Variants in SLC9A9 observed in about 807,000 individuals in gnomAD.
SLC9A9 encodes sodium/hydrogen exchanger 9.
Under a neutral mutation model 77.8 loss-of-function variants are expected in SLC9A9, and 62 were observed. The observed-to-expected ratio is 0.80, with a 90% CI of 0.65 to 0.98. SLC9A9 has a LOEUF of 0.98. Among genes scored for constraint, SLC9A9 ranks in the 50% least tolerant of loss-of-function variants. The probability of loss-of-function intolerance (pLI) is 0.00; values close to 1 mark genes in which losing one functional copy is unlikely to be tolerated. For synonymous variants in SLC9A9, 320 were observed against 283.5 expected, an observed-to-expected ratio of 1.13 and a Z score of -1.29; for missense variants, 775 against 774.9, an observed-to-expected ratio of 1.00 and a Z score of 0.00.
intron 12 of SLC9A9, among the ~76,000 whole-genome samples, chr3:143,406,479 G>A (rs1401081675): frequency 6.6e-6 from 1 of 151,918 alleles, no homozygotes; most frequent in African/African-American, 2.4e-5. Context: ...CTGGGTTCAA[G>A]TGATTCTCCT....
At chr3:143,505,996 T>C (rs13325345) in intron 9 of SLC9A9, among the ~76,000 whole-genome samples, 33,578 of 152,102 alleles carry the variant, frequency 0.22, 4,815 homozygotes, top group Non-Finnish European at 0.33. Flanking sequence ...AAAAAAAAAT[T>C]TTGCTATTAA....
chr3:143,520,799 G>T (rs2036283637), intron 9 of SLC9A9, among the ~76,000 whole-genome samples: 1 of 152,136 alleles, frequency 6.6e-6, no homozygotes, highest in Non-Finnish European at 1.5e-5. Context: ...TAATCTAGTA[G>T]TTGTGGTTTA....
At chr3:143,420,586 T>C (rs2034279663) in intron 12 of SLC9A9, among the ~76,000 whole-genome samples, 2 of 152,226 alleles carry the variant, frequency 1.3e-5, no homozygotes, top group Admixed American at 1.3e-4. Context: ...TGTTAACCTA[T>C]ACAATTACAG....
chr3:143,395,952 A>G (rs1296831177), intron 12 of SLC9A9, among the ~76,000 whole-genome samples: 1 of 152,134 alleles, frequency 6.6e-6, no homozygotes. Flanking sequence ...GGAAACAACA[A>G]GTGCTGGAGA....
At chr3:143,408,935 G>A (rs2034037718) in intron 12 of SLC9A9, among the ~76,000 whole-genome samples, 1 of 152,176 alleles carries the variant, frequency 6.6e-6, no homozygotes, top group Non-Finnish European at 1.5e-5. Flanking sequence ...CAAAAGATCT[G>A]CATAAAAATA....
intron 12 of SLC9A9, among the ~76,000 whole-genome samples, chr3:143,385,885 G>A (rs1031619233): frequency 2.0e-5 from 3 of 152,040 alleles, no homozygotes; most frequent in Non-Finnish European, 4.4e-5. Context: ...CCTTGTTTCT[G>A]AGCCCCAGCA....
chr3:143,517,437 G>A, intron 9 of SLC9A9: 1 of 1,592,410 alleles, frequency 6.3e-7, no homozygotes, highest in African/African-American at 1.3e-5. Flanking sequence ...TCCTCCCTCT[G>A]GGCTCTCTCA....
intron 9 of SLC9A9, among the ~76,000 whole-genome samples, chr3:143,536,659 C>T (rs1431134013): frequency 3.3e-5 from 5 of 152,156 alleles, no homozygotes; most frequent in Non-Finnish European, 7.4e-5. Flanking sequence ...ACTGCCTTCC[C>T]ATATCTGAGA....
intron 9 of SLC9A9, among the ~76,000 whole-genome samples, chr3:143,534,972 C>T (rs13099818): frequency 0.53 from 80,897 of 151,750 alleles, 21,547 homozygotes; most frequent in South Asian, 0.57. Context: ...GCATTTTTTT[C>T]TCCCAAATAG....
chr3:143,775,310 G>T (rs963624427), intron 4 of SLC9A9, among the ~76,000 whole-genome samples: 1 of 152,104 alleles, frequency 6.6e-6, no homozygotes, highest in Non-Finnish European at 1.5e-5. Context: ...TACCTTACCT[G>T]GGACACTGGA....
At chr3:143,341,582 G>A (rs369856459) in intron 14 of SLC9A9, among the ~76,000 whole-genome samples, 66 of 152,262 alleles carry the variant, frequency 4.3e-4, no homozygotes, top group African/African-American at 1.5e-3. Context: ...GAGGAGAAAT[G>A]TGGAGAGGAA....
At chr3:143,280,079 C>A (rs765829653) in intron 14 of SLC9A9, among the ~76,000 whole-genome samples, 5 of 152,200 alleles carry the variant, frequency 3.3e-5, no homozygotes, top group Non-Finnish European at 7.3e-5. Context: ...CCTTAGCCTC[C>A]CAAGGTGCTG....
chr3:143,276,684 T>G (rs1339347140), intron 14 of SLC9A9, among the ~76,000 whole-genome samples: 1 of 152,074 alleles, frequency 6.6e-6, no homozygotes, highest in Non-Finnish European at 1.5e-5. Flanking sequence ...CTTAGAATTA[T>G]CAAAATGAAC....
At chr3:143,606,288 C>G (rs2037920842) in intron 6 of SLC9A9, among the ~76,000 whole-genome samples, 1 of 151,406 alleles carries the variant, frequency 6.6e-6, no homozygotes, top group South Asian at 2.1e-4. Flanking sequence ...GCCTATAACC[C>G]CAGCTACTCA....
At chr3:143,406,830 G>C (rs1355572884) in intron 12 of SLC9A9, among the ~76,000 whole-genome samples, 2 of 151,894 alleles carry the variant, frequency 1.3e-5, no homozygotes, top group African/African-American at 4.8e-5. Context: ...ACAAAAGTTA[G>C]CCAGGCATGG....
intron 2 of SLC9A9, among the ~76,000 whole-genome samples, chr3:143,825,325 T>G (rs2009271054): frequency 6.6e-6 from 1 of 151,560 alleles, no homozygotes; most frequent in Non-Finnish European, 1.5e-5. Context: ...AGACTAGAAA[T>G]GCAAATGTAG....
chr3:143,767,998 A>G (rs533880809), intron 4 of SLC9A9, among the ~76,000 whole-genome samples: 1 of 152,194 alleles, frequency 6.6e-6, no homozygotes, highest in East Asian at 1.9e-4. Flanking sequence ...AGGCAATTAA[A>G]GGTAAATAGA....
At chr3:143,690,752 C>T (rs1263379706) in intron 5 of SLC9A9, among the ~76,000 whole-genome samples, 1 of 152,098 alleles carries the variant, frequency 6.6e-6, no homozygotes, top group Non-Finnish European at 1.5e-5. Context: ...TGCTACACAA[C>T]ACATTATTTT....
chr3:143,635,272 A>G (rs185357651), intron 6 of SLC9A9, among the ~76,000 whole-genome samples: 88 of 152,318 alleles, frequency 5.8e-4, no homozygotes, highest in Middle Eastern at 3.4e-3. Flanking sequence ...TTCCAAGAGT[A>G]AGTTCTCTAA....
Sources: allele counts gnomAD v4.1 joint callset (sites outside exome capture counted in the v4.1 genomes callset), GRCh38; gene constraint gnomAD v4.1.1; transcripts MANE v1.5; gene names NCBI Gene and HGNC (gene_info 2026-07-23, HGNC 2026-07-21).